The following SDR42E1 variants were observed in gnomAD, a reference collection of about 807,000 sequenced individuals.
The protein encoded by SDR42E1 is short chain dehydrogenase/reductase family 42E, member 1.
In SDR42E1, 5 loss-of-function variants were observed where a neutral mutation model predicts 2.6. The observed-to-expected ratio is 1.94, with a 90% CI of 1.01 to 4.08. SDR42E1 has a LOEUF of 4.08. Among genes scored for constraint, SDR42E1 ranks in the 30% most tolerant of loss-of-function variants. The pLI is 0.00. For missense variants in SDR42E1, 596 were observed against 478.6 expected (o/e 1.25, Z -2.29); for synonymous variants, 231 against 188.3 (o/e 1.23, Z -1.86).
rs1295184527 is a variant in SDR42E1 at position 81,995,601 on chromosome 16, G to C, written c.*3510C>G. ...CTAGACCTCATCTAATCTTGACTTA[G>C]TTACGACAGTTCTAGTGTAGGTTGG... On this transcript the variant is annotated 3_prime_UTR_variant, in exon 3 of 3. Transcript: ENST00000328945. 1 of 152,180 alleles carries C rather than the reference G, an allele frequency of 6.6e-6. No homozygotes were observed. The highest frequency in any genetic ancestry group is 1.5e-5 in the Non-Finnish European group (1 of 68,048). The allele number at this position is 152,180 out of a possible 1,614,324, so 9.4% of individuals were successfully genotyped here. A position where few individuals can be genotyped will look rare whatever the true frequency, so the allele number is the denominator to read the frequency against.
At chr16:82,009,942 G>A (rs900519393) in intron 1 of SDR42E1, among the ~76,000 whole-genome samples, 10 of 152,198 alleles carry the variant, frequency 6.6e-5, no homozygotes, top group African/African-American at 1.9e-4. Flanking sequence ...TTCCCATGCC[G>A]TTCTCTTGAT....
At position 81,994,350 on chromosome 16, in the gene SDR42E1, TC is replaced by T. The variant is rs1452664096; in HGVS notation, c.*4760del. The T allele has an allele frequency of 6.6e-6, 1 of 152,162 alleles. No homozygotes were observed. Among genetic ancestry groups the T allele is most frequent in the African/African-American group, 2.4e-5 (1 of 41,414 alleles). The allele number at this position is 152,162 out of a possible 1,614,324, so 9.4% of individuals were successfully genotyped here. On this transcript the variant is annotated 3_prime_UTR_variant, in exon 3 of 3. Transcript: ENST00000328945. ...GAGGAGCTGCACCAAGCGCCTGTCCTCCCCAGAGAAGCAATCCTAGCTGAAA... is the reference window on the plus strand; with the variant it reads ...GAGGAGCTGCACCAAGCGCCTGTCCTCCCAGAGAAGCAATCCTAGCTGAAA...
Position 81,990,157 on chromosome 16 carries a change from A to G in SDR42E1, c.*8954T>C, listed in dbSNP as rs910969238. The G allele has an allele frequency of 3.3e-5, 5 of 152,252 alleles. No individual in the cohort carries two copies. Among genetic ancestry groups the G allele is most frequent in the African/African-American group, 1.2e-4 (5 of 41,442 alleles). The allele number at this position is 152,252 out of a possible 1,614,324, so 9.4% of individuals were successfully genotyped here. A position where few individuals can be genotyped will look rare whatever the true frequency, so the allele number is the denominator to read the frequency against. The stretch of plus-strand genomic sequence containing the variant: ...TGAGACCCTGTCTCTACAAAAGACG[A>G]CAGAAAAATTAGCTAGGTGTGCTGG... On this transcript the variant is annotated 3_prime_UTR_variant, in exon 3 of 3. Coordinates refer to ENST00000328945, the MANE Select transcript of SDR42E1 (RefSeq NM_145168.3).
Position 82,000,096 on chromosome 16 carries a change from T to G in SDR42E1, c.197A>C (p.Lys66Thr), listed in dbSNP as rs775458444. Residue 66 changes from lysine to threonine, a missense_variant, in exon 3 of 3, where the codon AAA becomes ACA. Coordinates refer to ENST00000328945, the MANE Select transcript of SDR42E1 (RefSeq NM_145168.3). Reference protein sequence around the residue: ...GDIRHLSDVEKAFQDADVTCV... With the variant: ...GDIRHLSDVETAFQDADVTCV... ...AGTGACGTCTGCATCCTGGAAGGCTTTCTCTACGTCAGACAGGTGGCGGAT... is the reference window on the plus strand; with the variant it reads ...AGTGACGTCTGCATCCTGGAAGGCTGTCTCTACGTCAGACAGGTGGCGGAT... The G allele has an allele frequency of 1.2e-6, 2 of 1,614,122 alleles. No homozygotes were observed. Among genetic ancestry groups the G allele is most frequent in the African/African-American group, 2.7e-5 (2 of 74,934 alleles).
At position 82,002,275 on chromosome 16, in the gene SDR42E1, T is replaced by C. The variant is rs142747768; in HGVS notation, c.-26-1391A>G. Among the ~76,000 whole-genome samples the C allele has an allele frequency of 1.2e-3, 178 of 152,274 alleles. 2 individuals are homozygous for C. Among genetic ancestry groups the C allele is most frequent in the African/African-American group, 4.1e-3 (172 of 41,548 alleles). ...AAAGAAAAAATATGGGGGACAGGAATACACAGTGAAGACGTCTCGCCTCCG... is the reference window on the plus strand; with the variant it reads ...AAAGAAAAAATATGGGGGACAGGAACACACAGTGAAGACGTCTCGCCTCCG... On this transcript the variant is annotated intron_variant, in intron 1 of 2. Coordinates refer to ENST00000328945, the MANE Select transcript of SDR42E1 (RefSeq NM_145168.3).
intron 1 of SDR42E1, among the ~76,000 whole-genome samples, chr16:82,001,146 G>C (rs1003256493): frequency 2.0e-5 from 3 of 152,136 alleles, no homozygotes; most frequent in African/African-American, 7.2e-5. Context: ...GAATGTACTT[G>C]GCAGTGCTTT....
At position 81,999,686 on chromosome 16, in the gene SDR42E1, A is replaced by G. The variant is rs1912674568; in HGVS notation, c.607T>C (p.Tyr203His). The G allele has an allele frequency of 6.2e-7, 1 of 1,614,220 alleles. No individual in the cohort carries two copies. Among genetic ancestry groups the G allele is most frequent in the East Asian group, 2.2e-5 (1 of 44,882 alleles). ...EQRHLPRIVS[Y>H]IEKGLFKFVY... is the part of the protein sequence containing the mutation. ...AACTTGAACAGACCCTTCTCGATGT[A>G]GCTGACTATCCTGGGAAGGTGTCTT... The change falls in exon 3 of 3, where the codon TAC becomes CAC. Residue 203 changes from tyrosine (Y) to histidine (H), a missense_variant. By Grantham distance (83) the Tyr-to-His change is moderately conservative. Transcript: ENST00000328945.
intron 2 of SDR42E1, 103 bp downstream of exon 2, chr16:82,000,688 A>C: frequency 1.2e-6 from 1 of 839,000 alleles, no homozygotes; most frequent in Non-Finnish European, 2.0e-6. Context: ...TTCTGGTTTG[A>C]CATTACACAA....
At position 81,991,707 on chromosome 16, in the gene SDR42E1, C is replaced by CA. The variant is rs61406883; in HGVS notation, c.*7403dup. Reference sequence around the variant, plus strand: ...GCCTGGGTGACAGACGAGACTCTATCAAAAAAAAAAAAAAAAAAATTTGGT... The same window carrying CA: ...GCCTGGGTGACAGACGAGACTCTATCAAAAAAAAAAAAAAAAAAAATTTGGT... On this transcript the variant is annotated 3_prime_UTR_variant, in exon 3 of 3. Coordinates refer to ENST00000328945, the MANE Select transcript of SDR42E1 (RefSeq NM_145168.3). The CA allele has an allele frequency of 0.096, 10,576 of 109,804 alleles. 1,184 individuals carry two copies. Among genetic ancestry groups the CA allele is most frequent in the African/African-American group, 0.28 (8,889 of 31,988 alleles). The allele number at this position is 109,804 out of a possible 1,614,324, so 6.8% of individuals were successfully genotyped here.
chr16:82,006,590 T>C (rs534124057), intron 1 of SDR42E1, among the ~76,000 whole-genome samples: 1 of 152,252 alleles, frequency 6.6e-6, no homozygotes, highest in Admixed American at 6.5e-5. Flanking sequence ...GTCAGGAGTT[T>C]GAGACCAGCT....
chr16:81,989,025 T>C lies in SDR42E1; in HGVS notation c.*10086A>G, dbSNP rs1166877798. 6.6e-6 allele frequency: 1 copy of C among 152,198 alleles called. No homozygotes were observed. The allele number at this position is 152,198 out of a possible 1,614,324, so 9.4% of individuals were successfully genotyped here. A position where few individuals can be genotyped will look rare whatever the true frequency, so the allele number is the denominator to read the frequency against. ...ATCTGTTATGAAAAATGCTTAATTC[T>C]TCATATAACTATGTGTCTTATATAT... is the stretch of plus-strand genomic sequence containing the variant. On this transcript the variant is annotated 3_prime_UTR_variant, in exon 3 of 3. Transcript: ENST00000328945.
chr16:82,004,668 T>C (rs950378052), intron 1 of SDR42E1, among the ~76,000 whole-genome samples: 8 of 152,204 alleles, frequency 5.3e-5, no homozygotes, highest in Non-Finnish European at 1.2e-4. Context: ...GCCTGGCTAA[T>C]TGAATTCCAC....
chr16:82,010,888 C>G (rs1436892971), intron 1 of SDR42E1, among the ~76,000 whole-genome samples: 1 of 152,244 alleles, frequency 6.6e-6, no homozygotes, highest in African/African-American at 2.4e-5. Context: ...ACTCCACCTC[C>G]ACAATTTCTG....
chr16:82,000,260 C>G (rs768899048), intron 2 of SDR42E1, 36 bp from the exon 3 acceptor site: 1 of 1,600,486 alleles, frequency 6.2e-7, no homozygotes, highest in African/African-American at 1.3e-5. Flanking sequence ...AATCAAGTCA[C>G]TCTTAAGCTG....
At chr16:82,001,034 T>C in intron 1 of SDR42E1, 150 bp from the exon 2 acceptor site, 1 of 563,626 alleles carries the variant, frequency 1.8e-6, no homozygotes, top group South Asian at 2.3e-5. Context: ...ATTTAGCTAC[T>C]TTCCCTTCAG....
At chr16:82,005,192 G>A (rs1047518663) in intron 1 of SDR42E1, among the ~76,000 whole-genome samples, 2 of 152,122 alleles carry the variant, frequency 1.3e-5, no homozygotes, top group African/African-American at 4.8e-5. Flanking sequence ...TGGTTCATGT[G>A]CACATTAATC....
At chr16:82,001,604 C>T (rs1296064723) in intron 1 of SDR42E1, among the ~76,000 whole-genome samples, 2 of 151,988 alleles carry the variant, frequency 1.3e-5, no homozygotes, top group African/African-American at 2.4e-5. Context: ...CAACTCCTTC[C>T]ATGTGGGAGG....
rs1912581505 is a variant in SDR42E1, at chr16:81,997,827, C to T, written c.*1284G>A. 6.6e-6 allele frequency: 1 copy of T among 152,200 alleles called. No homozygotes were observed. The highest frequency in any genetic ancestry group is 2.4e-5 in the African/African-American group (1 of 41,462). 9.4% of individuals were successfully genotyped at this position (152,200 alleles called of 1,614,324 possible). A position where few individuals can be genotyped will look rare whatever the true frequency, so the allele number is the denominator to read the frequency against. On this transcript the variant is annotated 3_prime_UTR_variant, in exon 3 of 3. Transcript: ENST00000328945. The stretch of plus-strand genomic sequence containing the variant: ...CTTGGTTAAGGCCACACACGATATT[C>T]ACGGTGTTGGTATTATGACATCAAG...
chr16:81,999,787 G>A lies in SDR42E1; in HGVS notation c.506C>T (p.Thr169Ile). 6.2e-7 allele frequency: 1 copy of A among 1,614,222 alleles called. No individual in the cohort carries two copies. The change falls in exon 3 of 3, where the codon ACA (threonine) becomes ATA (isoleucine). Residue 169 changes from threonine to isoleucine, a missense_variant. Coordinates refer to ENST00000328945, the MANE Select transcript of SDR42E1 (RefSeq NM_145168.3). Reference protein sequence around the residue: ...AEQKVLEANATPLDRGDGVLR... With the variant: ...AEQKVLEANAIPLDRGDGVLR... ...GACACCGTCGCCTCTGTCCAGGGGT[G>A]TAGCATTCGCCTCCAGCACCTTCTG... is the stretch of plus-strand genomic sequence containing the variant.
Sources: allele counts gnomAD v4.1 joint callset (sites outside exome capture counted in the v4.1 genomes callset), GRCh38; gene constraint gnomAD v4.1.1; transcripts MANE v1.5; gene names NCBI Gene and HGNC (gene_info 2026-07-23, HGNC 2026-07-21).